The following SREK1 variants were observed in gnomAD, a reference collection of about 807,000 sequenced individuals.
SREK1 encodes the protein splicing regulatory glutamic acid and lysine rich protein 1.
Under a neutral mutation model 66.5 loss-of-function variants are expected in SREK1, and 13 were observed. The observed-to-expected ratio is 0.20, with a 90% CI of 0.13 to 0.31. SREK1 has a LOEUF of 0.31. Among genes scored for constraint, SREK1 ranks in the 10% least tolerant of loss-of-function variants. SREK1 has a pLI of 1.00. For missense variants in SREK1, 607 were observed against 769.6 expected, an observed-to-expected ratio of 0.79 and a Z score of 2.50; for synonymous variants, 265 against 263.5, an observed-to-expected ratio of 1.01 and a Z score of -0.05.
chr5:66,165,144 A>G (rs1053017599), intron 7 of SREK1: 23 of 324,304 alleles, frequency 7.1e-5, no homozygotes, highest in African/African-American at 1.9e-4. Flanking sequence ...GTGTCTAAAG[A>G]TACTCTATTC....
At chr5:66,150,068 A>G (rs572988427) in intron 1 of SREK1, among the ~76,000 whole-genome samples, 2 of 152,312 alleles carry the variant, frequency 1.3e-5, no homozygotes, top group South Asian at 4.1e-4. Flanking sequence ...TTCCAGCCCA[A>G]TAGAGAGAAC....
At chr5:66,145,842 T>C (rs977096947) in intron 1 of SREK1, among the ~76,000 whole-genome samples, 1 of 150,196 alleles carries the variant, frequency 6.7e-6, no homozygotes, top group Non-Finnish European at 1.5e-5. Context: ...TTAATAGTTA[T>C]CTCCTTTAAT....
chr5:66,175,759 G>A (rs549784660), intron 10 of SREK1, among the ~76,000 whole-genome samples: 2 of 152,158 alleles, frequency 1.3e-5, no homozygotes, highest in Admixed American at 6.5e-5. Flanking sequence ...CTTTTTCTGC[G>A]AATTGTCTGT....
chr5:66,157,418 C>T (rs1364799292), intron 2 of SREK1: 4 of 984,774 alleles, frequency 4.1e-6, no homozygotes, highest in Non-Finnish European at 4.8e-6. Context: ...TCTGAGTTTC[C>T]TTAGGTGCAT....
intron 3 of SREK1, among the ~76,000 whole-genome samples, chr5:66,159,653 G>C (rs1049827286): frequency 1.3e-5 from 2 of 151,972 alleles, no homozygotes; most frequent in Non-Finnish European, 2.9e-5. Context: ...AGTTAATGAG[G>C]ATTAAATCCA....
chr5:66,153,440 T>C (rs374541818), intron 1 of SREK1, 23 bp from the exon 2 acceptor site: 2 of 1,600,714 alleles, frequency 1.2e-6, no homozygotes, highest in African/African-American at 1.4e-5. Flanking sequence ...ATTAGTTCAA[T>C]TGTTTTTCTT....
chr5:66,167,872 A>AAGAAATCT (rs1480613694), intron 7 of SREK1: 4 of 152,228 alleles, frequency 2.6e-5, no homozygotes, highest in Non-Finnish European at 5.9e-5. Context: ...TTTATTAAGT[A>AAGAAATCT]TGTAGAAGCA....
intron 9 of SREK1, 128 bp downstream of exon 9, chr5:66,171,075 C>T (rs142853629): frequency 1.7e-6 from 2 of 1,160,218 alleles, no homozygotes; most frequent in Non-Finnish European, 2.4e-6. Context: ...AACATTTTCT[C>T]CTAATTTCAG....
intron 6 of SREK1, chr5:66,164,411 CT>C: frequency 2.4e-6 from 1 of 411,646 alleles, no homozygotes; most frequent in Non-Finnish European, 4.3e-6. Context: ...CTAAAAACAT[CT>C]AGGTGGTTTA....
chr5:66,158,785 A>G, intron 2 of SREK1: 2 of 1,279,398 alleles, frequency 1.6e-6, no homozygotes, highest in Non-Finnish European at 2.0e-6. Flanking sequence ...TCTTTTCTGT[A>G]TCTGATGTTC....
rs530417427 is a variant in SREK1, at chr5:66,145,613, TCTC to T, written c.161+1077_161+1079del. Among the ~76,000 whole-genome samples, 110 of 152,124 alleles carry T rather than the reference TCTC, an allele frequency of 7.2e-4. 1 individual carries two copies. Among genetic ancestry groups the T allele is most frequent in the Middle Eastern group, 3.4e-3 (1 of 294 alleles). On this transcript the variant is annotated intron_variant, in intron 1 of 11. Transcript: ENST00000334121. ...TAAAATTTACTTTTTAAGTTTTTCT[TCTC>T]TGCTTTTTGTTTTGGAATATTTCAT...
At chr5:66,164,454 G>T (rs1049131122) in intron 6 of SREK1, 1 of 709,902 alleles carries the variant, frequency 1.4e-6, no homozygotes, top group East Asian at 5.6e-5. Flanking sequence ...TCAACACTTA[G>T]AATTTAAGCT....
rs1260639422 is a variant in SREK1, at chr5:66,180,176, C to T, written c.*1308C>T. 6.6e-6 allele frequency: 1 copy of T among 152,470 alleles called. No homozygotes were observed. Among genetic ancestry groups the T allele is most frequent in the African/African-American group, 2.4e-5 (1 of 41,414 alleles). The allele number at this position is 152,470 out of a possible 1,614,324, so 9.4% of individuals were successfully genotyped here. A position where few individuals can be genotyped will look rare whatever the true frequency, so the allele number is the denominator to read the frequency against. On this transcript the variant is annotated 3_prime_UTR_variant, in exon 12 of 12. Coordinates refer to ENST00000334121, the MANE Select transcript of SREK1 (RefSeq NM_001077199.3). ...GATACGTTTACTTGAGTTTAAGATA[C>T]AGGTCATCCATCATTCTTAGGCTCA...
chr5:66,175,381 G>A (rs1195719716), intron 10 of SREK1, among the ~76,000 whole-genome samples: 2 of 152,080 alleles, frequency 1.3e-5, no homozygotes, highest in Admixed American at 1.3e-4. Context: ...TAACTACCAG[G>A]AAGTCTTTTT....
intron 7 of SREK1, chr5:66,168,849 A>C (rs1240072268): frequency 5.9e-5 from 9 of 152,224 alleles, no homozygotes; most frequent in Admixed American, 5.9e-4. Context: ...TGACATTGAG[A>C]GTTAAGATTT....
intron 7 of SREK1, chr5:66,167,191 T>G (rs1660852323): frequency 1.3e-5 from 2 of 152,184 alleles, no homozygotes; most frequent in Non-Finnish European, 1.5e-5. Context: ...TCCTTCCGCT[T>G]CTTATGGTTA....
chr5:66,144,996 C>T, intron 1 of SREK1: 1 of 986,990 alleles, frequency 1.0e-6, no homozygotes, highest in South Asian at 4.6e-5. Context: ...GACGAGAAAG[C>T]CTGCTGCTGG....
Position 66,144,841 on chromosome 5 carries a change from C to G in SREK1, c.161+304C>G, listed in dbSNP as rs908024895. 9.3e-6 allele frequency: 10 copies of G among 1,078,728 alleles called. No individual in the cohort carries two copies. In the African/African-American group the frequency reaches 1.5e-4, roughly 16 times the overall value. 66.8% of individuals were successfully genotyped at this position (1,078,728 alleles called of 1,614,324 possible). On this transcript the variant is annotated intron_variant, in intron 1 of 11. Coordinates refer to ENST00000334121, the MANE Select transcript of SREK1 (RefSeq NM_001077199.3). ...ATTCCGTGCCCCCACCCTCTTATTT[C>G]CCCCCGAACTTAAGATGGCCGCAGG... is the stretch of plus-strand genomic sequence containing the variant.
At chr5:66,168,259 A>G (rs1745328205) in intron 7 of SREK1, 1 of 152,198 alleles carries the variant, frequency 6.6e-6, no homozygotes, top group South Asian at 2.1e-4. Flanking sequence ...CAGAATTTTG[A>G]CTAACTGAAA....
Sources: allele counts gnomAD v4.1 joint callset (sites outside exome capture counted in the v4.1 genomes callset), GRCh38; gene constraint gnomAD v4.1.1; transcripts MANE v1.5; gene names NCBI Gene and HGNC (gene_info 2026-07-23, HGNC 2026-07-21).